Variants in KIF4A observed in about 807,000 individuals in gnomAD.
KIF4A encodes the protein kinesin family member 4A, also known as chromosome-associated kinesin KIF4A.
A neutral mutation model predicts 105.9 loss-of-function variants in KIF4A; 7 were observed. That is an observed-to-expected ratio of 0.07 (90% CI 0.04 to 0.12). The LOEUF (loss-of-function observed/expected upper bound fraction) is 0.12, where lower values mean the gene tolerates loss of function less well. KIF4A is among the 10% of genes least tolerant of loss of function. The pLI is 1.00. For synonymous variants in KIF4A, 281 were observed against 331.3 expected (o/e 0.85, Z 1.65); for missense variants, 558 against 929.2 (o/e 0.60, Z 5.19).
intron 7 of KIF4A, among the ~76,000 whole-genome samples, chrX:70,313,084 CA>C (rs1421412772): frequency 2.7e-5 from 3 of 111,606 alleles, no homozygotes; most frequent in Non-Finnish European, 5.7e-5. Context: ...TTCAGATCCT[CA>C]TGTTCTTTTT....
intron 15 of KIF4A, among the ~76,000 whole-genome samples, chrX:70,368,954 G>A (rs928407274): frequency 2.7e-5 from 3 of 111,880 alleles, no homozygotes; most frequent in Non-Finnish European, 5.6e-5. Context: ...AATGGTGGGC[G>A]CCCCTCCCAC....
chrX:70,302,312 G>A lies in KIF4A; in HGVS notation c.692G>A (p.Ser231Asn), dbSNP rs150082427. 32 of 1,209,639 alleles carry A rather than the reference G, an allele frequency of 2.6e-5. No homozygotes were observed. The highest frequency in any genetic ancestry group is 3.5e-5 in the Non-Finnish European group (31 of 895,017). Residue 231 changes from serine (S) to asparagine (N), a missense_variant, in exon 7 of 31, where the codon AGC (serine) becomes AAC (asparagine). By Grantham distance (46) the Ser-to-Asn change is conservative. Coordinates refer to ENST00000374403, the MANE Select transcript of KIF4A (RefSeq NM_012310.5). ...TCCTTTCATTATCACAGGAATAGCA[G>A]CTTTCGCTCCAAGCTGCATCTTGTA... ...EQRKKSDKNS[S>N]FRSKLHLVDL...
At chrX:70,293,390 A>G (rs2085768515) in intron 3 of KIF4A, among the ~76,000 whole-genome samples, 1 of 112,179 alleles carries the variant, frequency 8.9e-6, no homozygotes, top group Admixed American at 9.5e-5. Context: ...AGACTTCCCT[A>G]AGGTCATTAT....
intron 18 of KIF4A, among the ~76,000 whole-genome samples, chrX:70,377,511 A>G (rs765419475): frequency 4.3e-4 from 49 of 112,677 alleles, no homozygotes; most frequent in Non-Finnish European, 6.9e-4. Context: ...GCTAGATTAC[A>G]CACTATACCT....
chrX:70,326,884 T>A (rs1376926884), intron 7 of KIF4A, among the ~76,000 whole-genome samples: 1 of 112,146 alleles, frequency 8.9e-6, no homozygotes, highest in Non-Finnish European at 1.9e-5. Flanking sequence ...CCAACTCTCA[T>A]TTGAAGAAGA....
chrX:70,307,970 A>G (rs974381950), intron 7 of KIF4A, among the ~76,000 whole-genome samples: 4 of 112,146 alleles, frequency 3.6e-5, no homozygotes, highest in African/African-American at 1.3e-4. Flanking sequence ...GTTTGGGCAT[A>G]TGCCTTCAAC....
At chrX:70,295,120 G>C (rs1002815863) in intron 3 of KIF4A, among the ~76,000 whole-genome samples, 2 of 111,964 alleles carry the variant, frequency 1.8e-5, no homozygotes, top group Non-Finnish European at 3.8e-5. Context: ...TCTGACAAGA[G>C]AAAATATAAA....
chrX:70,313,467 C>T (rs1167254641), intron 7 of KIF4A, among the ~76,000 whole-genome samples: 1 of 110,881 alleles, frequency 9.0e-6, no homozygotes, highest in Non-Finnish European at 1.9e-5. Flanking sequence ...CCTCTGTATT[C>T]GTGTGTGTGT....
intron 18 of KIF4A, among the ~76,000 whole-genome samples, chrX:70,380,691 G>A (rs191642209): frequency 0.016 from 1,841 of 111,844 alleles, 37 homozygotes; most frequent in African/African-American, 0.056. Context: ...GTTTAGGGAA[G>A]AAAAATATAT....
chrX:70,331,622 C>A (rs2085931020), intron 9 of KIF4A, among the ~76,000 whole-genome samples: 1 of 75,510 alleles, frequency 1.3e-5, no homozygotes, highest in South Asian at 1.1e-3. Context: ...GCAGGGTTGC[C>A]ACAGATCTTC....
At chrX:70,345,400 G>A (rs749611812) in intron 13 of KIF4A, among the ~76,000 whole-genome samples, 2 of 108,188 alleles carry the variant, frequency 1.8e-5, no homozygotes, top group South Asian at 8.3e-4. Flanking sequence ...GGAGATGGAG[G>A]TTGCAGTGAG....
intron 10 of KIF4A, among the ~76,000 whole-genome samples, chrX:70,335,594 A>C: frequency 8.9e-6 from 1 of 112,396 alleles, no homozygotes; most frequent in East Asian, 2.8e-4. Context: ...ATGGGATATA[A>C]GTACAATTTT....
chrX:70,362,662 G>A (rs973877632), intron 15 of KIF4A, among the ~76,000 whole-genome samples: 2 of 110,882 alleles, frequency 1.8e-5, no homozygotes, highest in Non-Finnish European at 3.8e-5. Flanking sequence ...CTCCTGAGTA[G>A]CTGGGATTAC....
intron 9 of KIF4A, 44 bp downstream of exon 9, chrX:70,330,376 G>T (rs1334619014): frequency 9.3e-7 from 1 of 1,072,511 alleles, no homozygotes; most frequent in Admixed American, 2.3e-5. Flanking sequence ...ACAAGTATGT[G>T]AGTGGAATGA....
intron 13 of KIF4A, among the ~76,000 whole-genome samples, chrX:70,345,474 A>C (rs988724835): frequency 4.5e-5 from 5 of 110,096 alleles, no homozygotes; most frequent in Non-Finnish European, 7.6e-5. Flanking sequence ...AAAAAAAAAA[A>C]AAAAAGAAGA....
At chrX:70,337,710 A>G (rs2085956171) in intron 10 of KIF4A, among the ~76,000 whole-genome samples, 1 of 111,658 alleles carries the variant, frequency 9.0e-6, no homozygotes, top group Non-Finnish European at 1.9e-5. Context: ...AAAACAAGCA[A>G]CAACAACAAA....
At chrX:70,314,183 A>T (rs375989897) in intron 7 of KIF4A, among the ~76,000 whole-genome samples, 70 of 112,340 alleles carry the variant, frequency 6.2e-4, no homozygotes, top group African/African-American at 2.1e-3. Flanking sequence ...TACCTGTGGA[A>T]TTAACTTTTC....
At chrX:70,307,290 T>TA (rs1366351047) in intron 7 of KIF4A, among the ~76,000 whole-genome samples, 2 of 111,753 alleles carry the variant, frequency 1.8e-5, no homozygotes, top group African/African-American at 6.5e-5. Context: ...TTCAATTTGT[T>TA]TATTGAGTTT....
intron 9 of KIF4A, among the ~76,000 whole-genome samples, chrX:70,330,758 A>G (rs998887611): frequency 3.6e-5 from 4 of 112,143 alleles, no homozygotes; most frequent in African/African-American, 1.3e-4. Flanking sequence ...TAGAAGAAGG[A>G]AAATAAATCA....
Sources: allele counts gnomAD v4.1 joint callset (sites outside exome capture counted in the v4.1 genomes callset), GRCh38; gene constraint gnomAD v4.1.1; transcripts MANE v1.5; gene names NCBI Gene and HGNC (gene_info 2026-07-23, HGNC 2026-07-21).